Variants in MIA2 observed in about 807,000 individuals in gnomAD.
MIA2 encodes melanoma inhibitory activity protein 2.
MIA2 carries 127 observed loss-of-function variants against 167.8 expected under a neutral mutation model. The observed-to-expected ratio is 0.76, with a 90% CI of 0.66 to 0.88. The LOEUF is 0.88. Ranked by LOEUF, MIA2 falls within the 40% of genes least tolerant of loss-of-function variation. The probability of loss-of-function intolerance (pLI) is 0.00; values close to 1 mark genes in which losing one functional copy is unlikely to be tolerated. For missense variants in MIA2, 1,690 were observed against 1,624.7 expected, an observed-to-expected ratio of 1.04 and a Z score of -0.69; for synonymous variants, 552 against 541.9, an observed-to-expected ratio of 1.02 and a Z score of -0.26.
intron 6 of MIA2, chr14:39,268,902 G>A: frequency 1.6e-6 from 1 of 644,118 alleles, no homozygotes; most frequent in Non-Finnish European, 1.9e-6. Flanking sequence ...CATGGAGGTA[G>A]GGTTTTTAGA....
At chr14:39,358,061 G>A (rs2074576531) in intron 23 of MIA2, among the ~76,000 whole-genome samples, 1 of 152,140 alleles carries the variant, frequency 6.6e-6, no homozygotes, top group African/African-American at 2.4e-5. Flanking sequence ...GAGTATCTTT[G>A]TGGTGGTCTC....
intron 4 of MIA2, among the ~76,000 whole-genome samples, chr14:39,250,450 C>G (rs189306651): frequency 6.6e-6 from 1 of 151,952 alleles, no homozygotes; most frequent in African/African-American, 2.4e-5. Context: ...AATCCTAGCA[C>G]GTTGAGAGGC....
chr14:39,286,443 A>T (rs1441473029), intron 9 of MIA2, among the ~76,000 whole-genome samples: 1 of 152,082 alleles, frequency 6.6e-6, no homozygotes, highest in Non-Finnish European at 1.5e-5. Flanking sequence ...TGGAGAGGGG[A>T]GAGGGGAGAG....
At chr14:39,297,666 C>CGCGTGTGTGT (rs1555375078) in intron 13 of MIA2, among the ~76,000 whole-genome samples, 39 of 140,172 alleles carry the variant, frequency 2.8e-4, no homozygotes, top group Non-Finnish European at 5.9e-4. Flanking sequence ...TAGGGTTTTG[C>CGCGTGTGTGT]GTGTGTGTGT....
chr14:39,346,148 C>A, intron 26 of MIA2, 122 bp downstream of exon 26: 1 of 755,302 alleles, frequency 1.3e-6, no homozygotes, highest in Non-Finnish European at 2.2e-6. Flanking sequence ...AAATCTCTTT[C>A]CTGAAAATGT....
At chr14:39,312,904 T>C (rs1468674939) in intron 18 of MIA2, among the ~76,000 whole-genome samples, 5 of 151,916 alleles carry the variant, frequency 3.3e-5, no homozygotes, top group Non-Finnish European at 4.4e-5. Context: ...TGTGTGTGTG[T>C]GTGCGTGTGT....
chr14:39,245,576 G>T (rs1291665629), intron 3 of MIA2, among the ~76,000 whole-genome samples: 1 of 152,124 alleles, frequency 6.6e-6, no homozygotes, highest in Non-Finnish European at 1.5e-5. Flanking sequence ...ATGTTGTGCT[G>T]CTATAACAGA....
chr14:39,362,660 T>C (rs2074712066), intron 23 of MIA2, among the ~76,000 whole-genome samples: 1 of 152,142 alleles, frequency 6.6e-6, no homozygotes, highest in Admixed American at 6.5e-5. Flanking sequence ...CTTTGTATTG[T>C]TTTTCTAGTC....
intron 3 of MIA2, among the ~76,000 whole-genome samples, chr14:39,243,215 T>G (rs536542057): frequency 1.3e-5 from 2 of 151,930 alleles, no homozygotes; most frequent in Admixed American, 6.6e-5. Context: ...AAGGTCTCAG[T>G]TGATTTCCTA....
chr14:39,325,662 TG>T (rs1251927811), intron 24 of MIA2, among the ~76,000 whole-genome samples: 3 of 151,194 alleles, frequency 2.0e-5, no homozygotes, highest in African/African-American at 7.3e-5. Flanking sequence ...CCACCGCGCC[TG>T]GCCAAAATTT....
intron 23 of MIA2, among the ~76,000 whole-genome samples, chr14:39,366,652 T>C (rs1210276410): frequency 6.6e-6 from 1 of 152,216 alleles, no homozygotes; most frequent in African/African-American, 2.4e-5. Context: ...AAATAGCCTG[T>C]CCTCAGTCTG....
intron 23 of MIA2, among the ~76,000 whole-genome samples, chr14:39,366,355 C>T (rs1055497622): frequency 8.5e-5 from 13 of 152,144 alleles, no homozygotes; most frequent in South Asian, 4.2e-4. Context: ...GTGGGCCAGG[C>T]GGGTGGGTTG....
chr14:39,280,944 CGTCT>C lies in MIA2; in HGVS notation c.2130+1408_2130+1411del, dbSNP rs113428838. Among the ~76,000 whole-genome samples, 474 of 49,384 alleles carry C rather than the reference CGTCT, an allele frequency of 9.6e-3. 3 individuals carry two copies. Among genetic ancestry groups the C allele is most frequent in the African/African-American group, 0.066 (430 of 6,556 alleles). The allele number at this position is 49,384 out of a possible 152,430, so 32.4% of individuals were successfully genotyped here. ...TTTTTTTTTTTTTTTTTTGAGACAG[CGTCT>C]CTCTCTCTCTCTTGTCTAGGCTGCA... is the stretch of plus-strand genomic sequence containing the variant. On this transcript the variant is annotated intron_variant, in intron 9 of 28. Transcript: ENST00000640607.
chr14:39,265,539 A>G, intron 6 of MIA2: 2 of 726,648 alleles, frequency 2.8e-6, no homozygotes, highest in East Asian at 2.9e-5. Flanking sequence ...TTTTTTTTTC[A>G]TTTTATCCTC....
In MIA2 at chr14:39,386,924, G is replaced by GT; in HGVS notation, c.2289dup (p.Arg764Ter). On this transcript the variant is annotated frameshift_variant, in exon 24 of 24. Transcript: ENST00000341502. LOFTEE classifies it high-confidence loss of function. ...CCCGGGGCAGGAGCCCCGGCTTCAG[G>GT]TAGGGGCCTAGGAGGGCCCCAGAAA... 1.3e-6 allele frequency: 1 copy of GT among 776,192 alleles called. No individual in the cohort carries two copies. The highest frequency in any genetic ancestry group is 1.5e-5 in the South Asian group (1 of 68,768). 48.1% of individuals were successfully genotyped at this position (776,192 alleles called of 1,614,324 possible).
rs1214602834 is a variant in MIA2 at position 39,321,739 on chromosome 14, CTA to C, written c.3496+685_3496+686del. 5.3e-5 allele frequency among the ~76,000 whole-genome samples: 8 copies of C among 150,134 alleles called. No individual in the cohort carries two copies. In the East Asian group the frequency reaches 1.6e-3, roughly 30 times the overall value. On this transcript the variant is annotated intron_variant, in intron 24 of 28. Coordinates refer to ENST00000640607, the MANE Select transcript of MIA2 (RefSeq NM_001329214.4). ...CAGTATAACCTAGCATAAAAATTAT[CTA>C]TGTGTATGTATATATATGTAATTTT...
intron 3 of MIA2, among the ~76,000 whole-genome samples, chr14:39,244,099 T>A (rs1566589789): frequency 1.3e-5 from 2 of 152,228 alleles, no homozygotes; most frequent in Non-Finnish European, 1.5e-5. Flanking sequence ...GGGCCTTCCC[T>A]GGAATGGGGG....
chr14:39,256,892 T>C (rs2054838945), intron 6 of MIA2, among the ~76,000 whole-genome samples: 1 of 152,200 alleles, frequency 6.6e-6, no homozygotes, highest in South Asian at 2.1e-4. Flanking sequence ...AGAAAACTTA[T>C]CTGAGCTTTA....
rs1372100362 is a variant in MIA2, at chr14:39,298,443, A to ATATATAT, written c.2497-1421_2497-1420insTATATAT. 1.4e-3 allele frequency among the ~76,000 whole-genome samples: 72 copies of ATATATAT among 50,022 alleles called. 9 individuals carry two copies. Among genetic ancestry groups the ATATATAT allele is most frequent in the East Asian group, 7.2e-3 (8 of 1,112 alleles). The allele number at this position is 50,022 out of a possible 152,430, so 32.8% of individuals were successfully genotyped here. The stretch of plus-strand genomic sequence containing the variant: ...TATATATATATATATATATATATAT[A>ATATATAT]AAGATTAGTTTTTCATGTGTTCGGA... On this transcript the variant is annotated intron_variant, in intron 13 of 28. Transcript: ENST00000640607.
Sources: allele counts gnomAD v4.1 joint callset (sites outside exome capture counted in the v4.1 genomes callset), GRCh38; gene constraint gnomAD v4.1.1; transcripts MANE v1.5; gene names NCBI Gene and HGNC (gene_info 2026-07-23, HGNC 2026-07-21).